The following PLAA variants were observed in gnomAD, a reference collection of about 807,000 sequenced individuals.
PLAA encodes phospholipase A-2-activating protein.
In PLAA, 48 loss-of-function variants were observed where a neutral mutation model predicts 84.1. The observed-to-expected ratio is 0.57, with a 90% CI of 0.45 to 0.73. The LOEUF is 0.73. PLAA is among the 30% of genes least tolerant of loss of function. The pLI is 0.00. For missense variants in PLAA, 903 were observed against 954.7 expected, an observed-to-expected ratio of 0.95 and a Z score of 0.71; for synonymous variants, 392 against 336.6, an observed-to-expected ratio of 1.16 and a Z score of -1.80.
rs1178868398 is a variant in PLAA at position 26,917,155 on chromosome 9, C to G, written c.1428G>C (p.Arg476=). The G allele has an allele frequency of 6.2e-7, 1 of 1,613,744 alleles. No homozygotes were observed. The highest frequency in any genetic ancestry group is 8.5e-7 in the Non-Finnish European group (1 of 1,179,762). ...AAGATCCCGAAGAGCCCGGAACATA[C>G]CGACCACCACCTGTGCATGCAAAAT... ...SFSDPFTGGG[R]YVPGSSGSSN... is the part of the protein sequence containing the mutation. The change falls in exon 10 of 14, where the codon CGG becomes CGC. Residue 476 remains arginine, a synonymous_variant. Transcript: ENST00000397292.
At chr9:26,913,770 TA>T in intron 11 of PLAA, 108 bp downstream of exon 11, 1 of 736,152 alleles carries the variant, frequency 1.4e-6, no homozygotes, top group Non-Finnish European at 2.2e-6. Flanking sequence ...ATTTACTATA[TA>T]AAAAGTTCTC....
In PLAA at chr9:26,914,892, C is replaced by G. The variant is rs1040047288; in HGVS notation, c.1487-945G>C. Among the ~76,000 whole-genome samples, 67 of 152,162 alleles carry G rather than the reference C, an allele frequency of 4.4e-4. 2 individuals carry two copies. The highest frequency in any genetic ancestry group is 1.6e-3 in the African/African-American group (65 of 41,448). On this transcript the variant is annotated intron_variant, in intron 10 of 13. Transcript: ENST00000397292. ...AACCCAGGGTTACTCCAAACTGGCTCCACTTTAGAAACACTTGGGGAACTT... is the reference window on the plus strand; with the variant it reads ...AACCCAGGGTTACTCCAAACTGGCTGCACTTTAGAAACACTTGGGGAACTT...
At chr9:26,920,124 T>A (rs1309620518) in intron 8 of PLAA, 103 bp downstream of exon 8, 1 of 887,968 alleles carries the variant, frequency 1.1e-6, no homozygotes, top group African/African-American at 1.7e-5. Flanking sequence ...AATGGATTTT[T>A]AAATGTCAAA....
intron 2 of PLAA, 81 bp downstream of exon 2, chr9:26,934,932 T>C: frequency 1.9e-6 from 2 of 1,067,054 alleles, no homozygotes; most frequent in South Asian, 1.6e-5. Flanking sequence ...TAATAAAAAC[T>C]TGAGAAAATG....
rs1403110694 is a variant in PLAA at position 26,905,275 on chromosome 9, A to G, written c.*236T>C. 2.1e-6 allele frequency: 1 copy of G among 480,528 alleles called. No individual in the cohort carries two copies. The highest frequency in any genetic ancestry group is 3.7e-6 in the Non-Finnish European group (1 of 271,258). The allele number at this position is 480,528 out of a possible 1,614,324, so 29.8% of individuals were successfully genotyped here. A position where few individuals can be genotyped will look rare whatever the true frequency, so the allele number is the denominator to read the frequency against. ...TTGTCATTGTGTTGTTGCTGATTAT[A>G]GCTTATTTTAAATTTGTGTTCACAC... On this transcript the variant is annotated 3_prime_UTR_variant, in exon 14 of 14. Coordinates refer to ENST00000397292, the MANE Select transcript of PLAA (RefSeq NM_001031689.3).
rs376535885 is a variant in PLAA at position 26,923,259 on chromosome 9, C to A, written c.958G>T (p.Ala320Ser). ...IKAFEKELSHATIDSKTGDLG... is the reference protein window; with the variant it reads ...IKAFEKELSHSTIDSKTGDLG... Reference sequence around the variant, plus strand: ...TCGCCAGTTTTAGAATCAATGGTTGCGTGAGACAGTTCTTTTTCAAAAGCC... The same window carrying A: ...TCGCCAGTTTTAGAATCAATGGTTGAGTGAGACAGTTCTTTTTCAAAAGCC... The change falls in exon 7 of 14, where the codon GCA (alanine) becomes TCA (serine). Residue 320 changes from alanine (A) to serine (S), a missense_variant. Physicochemically the swap from Ala to Ser is moderately conservative, Grantham distance 99. Coordinates refer to ENST00000397292, the MANE Select transcript of PLAA (RefSeq NM_001031689.3). The A allele has an allele frequency of 1.9e-6, 3 of 1,613,556 alleles. No homozygotes were observed. Among genetic ancestry groups the A allele is most frequent in the South Asian group, 2.2e-5 (2 of 91,052 alleles).
chr9:26,933,408 CA>C (rs1281021018), intron 2 of PLAA, among the ~76,000 whole-genome samples: 1 of 152,042 alleles, frequency 6.6e-6, no homozygotes, highest in Non-Finnish European at 1.5e-5. Context: ...CACAAGATCA[CA>C]CCACTGCACT....
chr9:26,907,571 A>G, intron 13 of PLAA: 1 of 368,834 alleles, frequency 2.7e-6, no homozygotes, highest in Non-Finnish European at 4.8e-6. Flanking sequence ...CAAAAAAACA[A>G]AGAAAACAAA....
intron 10 of PLAA, chr9:26,916,003 A>C: frequency 1.0e-6 from 1 of 985,418 alleles, no homozygotes; most frequent in Non-Finnish European, 1.2e-6. Context: ...AGACTTCCTT[A>C]ACAGCCACTG....
intron 1 of PLAA, among the ~76,000 whole-genome samples, chr9:26,940,720 G>A (rs537049362): frequency 6.6e-6 from 1 of 152,186 alleles, no homozygotes; most frequent in Non-Finnish European, 1.5e-5. Context: ...CTCCAGAGGT[G>A]AGGACAAAGA....
intron 12 of PLAA, 115 bp from the exon 13 acceptor site, chr9:26,908,113 T>G: frequency 3.0e-6 from 2 of 671,106 alleles, no homozygotes; most frequent in South Asian, 4.8e-5. Context: ...AGTTAAGACT[T>G]TACTCAGCAA....
chr9:26,911,144 G>C (rs1200775012), intron 11 of PLAA, among the ~76,000 whole-genome samples: 3 of 151,902 alleles, frequency 2.0e-5, no homozygotes, highest in African/African-American at 7.3e-5. Context: ...GTGGTTTGCT[G>C]AGGAGTCCTA....
Position 26,913,948 on chromosome 9 carries a change from C to G in PLAA, c.1487-1G>C. 6.2e-7 allele frequency: 1 copy of G among 1,606,616 alleles called. No homozygotes were observed. Among genetic ancestry groups the G allele is most frequent in the East Asian group, 2.2e-5 (1 of 44,834 alleles). On this transcript the variant is annotated splice_acceptor_variant, in intron 10 of 13. Coordinates refer to ENST00000397292, the MANE Select transcript of PLAA (RefSeq NM_001031689.3). LOFTEE classifies it high-confidence loss of function. ...GAACCTGGTACATAACGACCAGCAC[C>G]TACAATACAATAATACTCCTAGTAA...
At chr9:26,922,113 GTTCTT>G (rs1824782897) in intron 7 of PLAA, among the ~76,000 whole-genome samples, 1 of 152,138 alleles carries the variant, frequency 6.6e-6, no homozygotes, top group Non-Finnish European at 1.5e-5. Flanking sequence ...GACTGCGCAT[GTTCTT>G]TTCTTTGAGA....
intron 6 of PLAA, among the ~76,000 whole-genome samples, chr9:26,924,998 C>T (rs1025274043): frequency 6.6e-6 from 1 of 152,234 alleles, no homozygotes; most frequent in African/African-American, 2.4e-5. Context: ...AATTCTCCCA[C>T]TTCTCCATTT....
chr9:26,933,749 A>G (rs1363857727), intron 2 of PLAA, among the ~76,000 whole-genome samples: 1 of 144,668 alleles, frequency 6.9e-6, no homozygotes, highest in East Asian at 2.0e-4. Flanking sequence ...AGATCACGCC[A>G]CTGCATTCCA....
chr9:26,905,462 AG>A lies in PLAA; in HGVS notation c.*48del. The A allele has an allele frequency of 7.7e-7, 1 of 1,300,402 alleles. No individual in the cohort carries two copies. The allele number at this position is 1,300,402 out of a possible 1,614,324, so 80.6% of individuals were successfully genotyped here. On this transcript the variant is annotated 3_prime_UTR_variant, in exon 14 of 14. Transcript: ENST00000397292. Reference sequence around the variant, plus strand: ...TCTGTTATCAGTCATGTCAAATGTGAGGAAAAAAACACTAATCAATTAAAAA... The same window carrying A: ...TCTGTTATCAGTCATGTCAAATGTGAGAAAAAAACACTAATCAATTAAAAA...
intron 2 of PLAA, 124 bp downstream of exon 2, chr9:26,934,889 T>C: frequency 1.4e-6 from 1 of 704,468 alleles, no homozygotes; most frequent in Non-Finnish European, 2.3e-6. Flanking sequence ...AGCGTTTCCA[T>C]TACCAAACCA....
chr9:26,926,615 T>G, intron 4 of PLAA, 55 bp from the exon 5 acceptor site: 5 of 1,285,436 alleles, frequency 3.9e-6, no homozygotes, highest in Non-Finnish European at 5.5e-6. Flanking sequence ...GGCTGATGGC[T>G]CTATACATTT....
Sources: gnomAD v4.1 joint callset for allele counts (sites outside exome capture counted in the v4.1 genomes callset) on GRCh38, gnomAD v4.1.1 for gene constraint, MANE v1.5 for transcripts, NCBI Gene and HGNC (gene_info 2026-07-23, HGNC 2026-07-21) for gene names.